Variants in ZFHX3 observed in about 807,000 individuals in gnomAD.
ZFHX3 encodes zinc finger homeobox 3.
Under a neutral mutation model 279.1 loss-of-function variants are expected in ZFHX3, and 42 were observed. The observed-to-expected ratio is 0.15, with a 90% CI of 0.12 to 0.19. The LOEUF is 0.19. Among genes scored for constraint, ZFHX3 ranks in the 10% least tolerant of loss-of-function variants. The pLI is 1.00. For missense variants in ZFHX3, 4,981 were observed against 4,754.0 expected (o/e 1.05, Z -1.40); for synonymous variants, 2,293 against 1,957.8 (o/e 1.17, Z -4.52).
intron 3 of ZFHX3, among the ~76,000 whole-genome samples, chr16:72,929,839 G>T (rs2144286406): frequency 6.6e-6 from 1 of 152,344 alleles, no homozygotes; most frequent in Non-Finnish European, 1.5e-5. Context: ...CAATTATGCT[G>T]AACCGAATGC....
At chr16:73,715,671 C>G (rs1351295610) in intron 1 of ZFHX3, among the ~76,000 whole-genome samples, 2 of 143,864 alleles carry the variant, frequency 1.4e-5, no homozygotes, top group African/African-American at 5.2e-5. Flanking sequence ...CTCCAGGGTT[C>G]AAGCAATTCT....
At chr16:73,807,203 T>G (rs972941159) in intron 1 of ZFHX3, among the ~76,000 whole-genome samples, 3 of 152,088 alleles carry the variant, frequency 2.0e-5, no homozygotes, top group African/African-American at 7.2e-5. Flanking sequence ...ACCCCAGAAG[T>G]TGAGTTGTGT....
chr16:73,442,545 C>G (rs976150342), intron 3 of ZFHX3, among the ~76,000 whole-genome samples: 11 of 152,014 alleles, frequency 7.2e-5, no homozygotes. Flanking sequence ...TGAAAAAACC[C>G]CATGAGATGA....
chr16:73,458,134 A>G (rs971563377), intron 2 of ZFHX3, among the ~76,000 whole-genome samples: 1 of 152,084 alleles, frequency 6.6e-6, no homozygotes, highest in African/African-American at 2.4e-5. Flanking sequence ...TCTTTATAGA[A>G]ATTACTTTCA....
At chr16:73,030,135 A>G (rs990510498) in intron 1 of ZFHX3, among the ~76,000 whole-genome samples, 1 of 152,224 alleles carries the variant, frequency 6.6e-6, no homozygotes, top group African/African-American at 2.4e-5. Context: ...AAAATATGCC[A>G]GGATAATCCC....
At chr16:73,687,011 AATAT>A (rs58565282) in intron 1 of ZFHX3, among the ~76,000 whole-genome samples, 574 of 52,790 alleles carry the variant, frequency 0.011, 3 homozygotes, top group Non-Finnish European at 0.012. Flanking sequence ...TTTGCAGCTA[AATAT>A]ATATATATAT....
In ZFHX3 at chr16:72,971,930, G is replaced by C. The variant is rs139479164; in HGVS notation, c.-49-11736C>G. Among the ~76,000 whole-genome samples the C allele has an allele frequency of 1.9e-3, 267 of 137,204 alleles. 2 individuals carry two copies. Among genetic ancestry groups the C allele is most frequent in the Middle Eastern group, 9.2e-3 (2 of 218 alleles). 90.0% of individuals were successfully genotyped at this position (137,204 alleles called of 152,430 possible). The stretch of plus-strand genomic sequence containing the variant: ...AGACGGAGTTTCACCCTGCTGCCCA[G>C]GTTGGAGTACAATGGGGCGATCTCA... On this transcript the variant is annotated intron_variant, in intron 1 of 9. Coordinates refer to ENST00000268489, the MANE Select transcript of ZFHX3 (RefSeq NM_006885.4).
At chr16:73,453,398 C>T (rs564313070) in intron 3 of ZFHX3, among the ~76,000 whole-genome samples, 2 of 152,274 alleles carry the variant, frequency 1.3e-5, no homozygotes, top group African/African-American at 4.8e-5. Flanking sequence ...GTTCCTCTTC[C>T]CTCAACATGG....
chr16:72,791,888 TG>T (rs2035718943), intron 9 of ZFHX3, among the ~76,000 whole-genome samples: 1 of 152,180 alleles, frequency 6.6e-6, no homozygotes, highest in Non-Finnish European at 1.5e-5. Context: ...CCACTCAAAG[TG>T]TAAAATGTGG....
chr16:73,085,985 C>CAAAAAAAAAA (rs57128744), intron 8 of ZFHX3, among the ~76,000 whole-genome samples: 3 of 54,220 alleles, frequency 5.5e-5, no homozygotes, highest in East Asian at 5.8e-4. Context: ...AACTCAATTG[C>CAAAAAAAAAA]AAAAAAAAAA....
At chr16:72,811,454 G>C (rs1008413883) in intron 7 of ZFHX3, 123 bp downstream of exon 7, 6 of 1,089,336 alleles carry the variant, frequency 5.5e-6, no homozygotes, top group African/African-American at 4.8e-5. Flanking sequence ...AACAAGGACT[G>C]TTTTCTGACG....
At chr16:73,024,149 C>T (rs1964412374) in intron 1 of ZFHX3, among the ~76,000 whole-genome samples, 1 of 152,188 alleles carries the variant, frequency 6.6e-6, no homozygotes, top group Non-Finnish European at 1.5e-5. Flanking sequence ...ACAGAGCCCC[C>T]TCATCTCACA....
chr16:73,093,882 T>C (rs1164442917), intron 7 of ZFHX3: 1 of 259,768 alleles, frequency 3.8e-6, no homozygotes, highest in Non-Finnish European at 7.7e-6. Flanking sequence ...AAGCTACTAA[T>C]AGTACTAAGT....
intron 4 of ZFHX3, among the ~76,000 whole-genome samples, chr16:72,849,541 G>A (rs941997015): frequency 1.3e-5 from 2 of 152,282 alleles, no homozygotes; most frequent in East Asian, 3.9e-4. Flanking sequence ...GCCACTCATG[G>A]CACTAACCAG....
chr16:73,320,692 T>C (rs1391670883), intron 3 of ZFHX3, among the ~76,000 whole-genome samples: 1 of 152,190 alleles, frequency 6.6e-6, no homozygotes, highest in Non-Finnish European at 1.5e-5. Context: ...CTGGGCTCTG[T>C]CATCCCATTG....
chr16:72,962,450 G>C (rs978928169), intron 1 of ZFHX3, among the ~76,000 whole-genome samples: 1 of 152,194 alleles, frequency 6.6e-6, no homozygotes, highest in Non-Finnish European at 1.5e-5. Context: ...GTGACCCTGT[G>C]GTGGTGACAC....
At chr16:73,696,894 G>C (rs1374912223) in intron 1 of ZFHX3, among the ~76,000 whole-genome samples, 4 of 152,050 alleles carry the variant, frequency 2.6e-5, no homozygotes, top group East Asian at 1.9e-4. Context: ...TGAACTCCAA[G>C]CTTAAATTAT....
At chr16:72,967,590 G>A (rs2144496181) in intron 1 of ZFHX3, among the ~76,000 whole-genome samples, 2 of 152,146 alleles carry the variant, frequency 1.3e-5, no homozygotes, top group Middle Eastern at 6.8e-3. Context: ...TCCACTCAGG[G>A]AAGAATCAAT....
At chr16:73,735,257 G>A (rs1315253002) in intron 1 of ZFHX3, among the ~76,000 whole-genome samples, 2 of 151,808 alleles carry the variant, frequency 1.3e-5, no homozygotes, top group South Asian at 2.1e-4. Flanking sequence ...GTGAGTCAGA[G>A]ACCTGAGTCA....
Sources: allele counts gnomAD v4.1 joint callset (sites outside exome capture counted in the v4.1 genomes callset), GRCh38; gene constraint gnomAD v4.1.1; transcripts MANE v1.5; gene names NCBI Gene and HGNC (gene_info 2026-07-23, HGNC 2026-07-21).